NTRK1: variants seen among roughly 807,000 people sequenced by gnomAD.
NTRK1 encodes the protein high affinity nerve growth factor receptor.
Under a neutral mutation model 86.8 loss-of-function variants are expected in NTRK1, and 62 were observed. That is an observed-to-expected ratio of 0.71 (90% CI 0.58 to 0.88). The LOEUF (loss-of-function observed/expected upper bound fraction) is 0.88. NTRK1 is among the 40% of genes least tolerant of loss of function. NTRK1 has a pLI of 0.00. For missense variants in NTRK1, 967 were observed against 1,078.4 expected, an observed-to-expected ratio of 0.90 and a Z score of 1.45; for synonymous variants, 469 against 456.6, an observed-to-expected ratio of 1.03 and a Z score of -0.35.
upstream of NTRK1, chr1:156,858,635 G>A (rs1290211837): frequency 2.5e-6 from 4 of 1,612,652 alleles, no homozygotes; most frequent in Non-Finnish European, 3.4e-6. Flanking sequence ...CCCAGCCCTG[G>A]CTTGTGTCCA....
At chr1:156,875,972 C>G in intron 12 of NTRK1, 108 bp from the exon 13 acceptor site, 2 of 1,555,978 alleles carry the variant, frequency 1.3e-6, no homozygotes, top group Non-Finnish European at 1.8e-6. Flanking sequence ...CATGCAGTCC[C>G]TCGTCTGGGC....
At chr1:156,817,047 T>TCTCTCTCTCTCTC (rs1654008835) in intron 1 of NTRK1, among the ~76,000 whole-genome samples, 4 of 113,778 alleles carry the variant, frequency 3.5e-5, no homozygotes, top group Non-Finnish European at 5.5e-5. Context: ...GAACTTCCCT[T>TCTCTCTCTCTCTC]TCTCTCTCTC....
chr1:156,829,738 G>A (rs991124787), intron 1 of NTRK1, among the ~76,000 whole-genome samples: 1 of 151,902 alleles, frequency 6.6e-6, no homozygotes, highest in Non-Finnish European at 1.5e-5. Flanking sequence ...CGCAACCTCC[G>A]CCTCCTGGGT....
chr1:156,875,099 T>A (rs2102912983), intron 11 of NTRK1, 91 bp downstream of exon 11: 1 of 960,726 alleles, frequency 1.0e-6, no homozygotes, highest in Non-Finnish European at 1.7e-6. Context: ...TGGGGGGCTG[T>A]GCACATGGGA....
intron 2 of NTRK1, chr1:156,851,237 G>A (rs779919944): frequency 8.1e-6 from 13 of 1,604,622 alleles, no homozygotes; most frequent in Middle Eastern, 1.7e-4. Context: ...TGTTCTGGGA[G>A]TGTTGGAGGA....
intron 1 of NTRK1, among the ~76,000 whole-genome samples, chr1:156,831,133 G>A (rs1379226040): frequency 2.6e-5 from 4 of 152,206 alleles, no homozygotes; most frequent in Non-Finnish European, 4.4e-5. Flanking sequence ...ACTCAAGAGA[G>A]TGCAGTCTGG....
intron 1 of NTRK1, chr1:156,841,659 C>CCTAA: frequency 6.2e-7 from 1 of 1,613,416 alleles, no homozygotes; most frequent in Non-Finnish European, 8.5e-7. Context: ...TCCAGCTCGG[C>CCTAA]CCCACCAGAC....
chr1:156,872,065 G>A (rs754418798), intron 7 of NTRK1, among the ~76,000 whole-genome samples: 2 of 151,988 alleles, frequency 1.3e-5, no homozygotes, highest in African/African-American at 4.8e-5. Context: ...GTCCCTCATC[G>A]GGTCCTTCTC....
In NTRK1 at chr1:156,880,070, C is replaced by G. The variant is rs1173071282; in HGVS notation, c.2118C>G (p.Thr706=). The part of the protein sequence containing the change: ...PESILYRKFT[T]ESDVWSFGVV... ...GCATCCTGTACCGTAAGTTCACCACCGAGAGCGACGTGTGGAGCTTCGGCG... is the reference window on the plus strand; with the variant it reads ...GCATCCTGTACCGTAAGTTCACCACGGAGAGCGACGTGTGGAGCTTCGGCG... The change falls in exon 16 of 17, where the codon ACC becomes ACG. Residue 706 remains threonine (T), a synonymous_variant. Coordinates refer to ENST00000524377, the MANE Select transcript of NTRK1 (RefSeq NM_002529.4). The G allele has an allele frequency of 6.2e-7, 1 of 1,613,744 alleles. No individual in the cohort carries two copies.
At chr1:156,848,978 C>T in intron 2 of NTRK1, 5 of 1,608,854 alleles carry the variant, frequency 3.1e-6, no homozygotes, top group Non-Finnish European at 4.2e-6. Flanking sequence ...TGGCTCATAG[C>T]GCTCCCAGCG....
intron 1 of NTRK1, among the ~76,000 whole-genome samples, chr1:156,821,573 G>T (rs1277810139): frequency 1.3e-5 from 2 of 151,992 alleles, no homozygotes; most frequent in African/African-American, 4.8e-5. Context: ...AGAAGGTGGG[G>T]AAAGGTGTTT....
chr1:156,840,560 T>C lies in NTRK1; in HGVS notation c.-63-1521T>C, dbSNP rs143040390. 1,137 of 392,352 alleles carry C rather than the reference T, an allele frequency of 2.9e-3. 6 individuals carry two copies. Among genetic ancestry groups the C allele is most frequent in the African/African-American group, 0.019 (949 of 49,120 alleles). 24.3% of individuals were successfully genotyped at this position (392,352 alleles called of 1,614,324 possible). A position where few individuals can be genotyped will look rare whatever the true frequency, so the allele number is the denominator to read the frequency against. On this transcript the variant is annotated intron_variant, in intron 1 of 16. Transcript: ENST00000392302. Reference sequence around the variant, plus strand: ...AAACTGAGGGGCAGGGCCTCTAGGGTGGGCGGGCCCCCTCTTCCTAGTCTG... The same window carrying C: ...AAACTGAGGGGCAGGGCCTCTAGGGCGGGCGGGCCCCCTCTTCCTAGTCTG...
At chr1:156,843,604 A>T in intron 2 of NTRK1, 1 of 1,004,150 alleles carries the variant, frequency 1.0e-6, no homozygotes, top group Non-Finnish European at 1.6e-6. Context: ...AGCCTTGGTC[A>T]GGGTGACTCC....
chr1:156,832,273 G>T lies in NTRK1; in HGVS notation c.-63-9808G>T, dbSNP rs116829994. On this transcript the variant is annotated intron_variant, in intron 1 of 16. Transcript: ENST00000392302. ...TCATCAAGCATCTATTTGAAGCCTA[G>T]AATGTGCTGGAGTTTGTTATGGTTT... 5.4e-3 allele frequency among the ~76,000 whole-genome samples: 819 copies of T among 152,250 alleles called. 7 individuals carry two copies. The highest frequency in any genetic ancestry group is 0.019 in the African/African-American group (792 of 41,544).
intron 2 of NTRK1, chr1:156,845,232 C>G: frequency 6.2e-7 from 1 of 1,610,246 alleles, no homozygotes; most frequent in Non-Finnish European, 8.5e-7. Flanking sequence ...TCCTGGATCT[C>G]GAAATCCGAG....
chr1:156,881,613 C>T lies in NTRK1; in HGVS notation c.2362C>T (p.Pro788Ser), dbSNP rs768876280. 5 of 1,610,170 alleles carry T rather than the reference C, an allele frequency of 3.1e-6. No homozygotes were observed. The highest frequency in any genetic ancestry group is 4.2e-6 in the Non-Finnish European group (5 of 1,178,780). Residue 788 changes from proline (P) to serine (S), a missense_variant, in exon 17 of 17, where the codon CCT (proline) becomes TCT (serine). By Grantham distance (74) the Pro-to-Ser change is moderately conservative. Transcript: ENST00000524377. ...HARLQALAQA[P>S]PVYLDVLG ...CCGGCTGCAAGCCCTGGCCCAGGCA[C>T]CTCCTGTCTACCTGGATGTCCTGGG...
chr1:156,844,674 C>T lies in NTRK1; in HGVS notation c.50+2481C>T, dbSNP rs745388523. ...CTGGGAAGGCGATGTAGGCACAAAA[C>T]GGGGCTGGGACGGGGGTCCCACGGG... On this transcript the variant is annotated intron_variant, in intron 2 of 16. Coordinates refer to the NTRK1 transcript ENST00000392302. The T allele has an allele frequency of 6.8e-6, 11 of 1,613,780 alleles. No individual in the cohort carries two copies. The South Asian group carries it at 7.7e-5, about 11-fold the overall frequency.
intron 2 of NTRK1, chr1:156,843,585 C>T (rs1487255616): frequency 2.5e-6 from 3 of 1,184,692 alleles, no homozygotes; most frequent in African/African-American, 3.0e-5. Context: ...AGTTACTGAC[C>T]ACACCCCCAG....
chr1:156,853,796 C>A, intron 2 of NTRK1: 1 of 1,610,640 alleles, frequency 6.2e-7, no homozygotes, highest in Non-Finnish European at 8.5e-7. Context: ...GTCAGTGTGC[C>A]CGCTGAAGGT....
Sources: gnomAD v4.1 joint callset for allele counts (sites outside exome capture counted in the v4.1 genomes callset) on GRCh38, gnomAD v4.1.1 for gene constraint, MANE v1.5 for transcripts, NCBI Gene and HGNC (gene_info 2026-07-23, HGNC 2026-07-21) for gene names.